Variants in AZI2 observed in about 807,000 individuals in gnomAD.
AZI2 encodes the protein 5-azacytidine induced 2.
In AZI2, 22 loss-of-function variants were observed where a neutral mutation model predicts 45.8. The ratio of observed to expected loss-of-function variants is 0.48; its 90% CI spans 0.34 to 0.69. The LOEUF is 0.69. Ranked by LOEUF, AZI2 falls within the 30% of genes least tolerant of loss-of-function variation. The pLI, the probability that AZI2 is intolerant of heterozygous loss-of-function variation, is 0.01. For synonymous variants in AZI2, 137 were observed against 156.7 expected, an observed-to-expected ratio of 0.87 and a Z score of 0.94; for missense variants, 417 against 441.5, an observed-to-expected ratio of 0.94 and a Z score of 0.50.
chr3:28,344,658 C>G (rs1163563955), intron 1 of AZI2, among the ~76,000 whole-genome samples: 4 of 151,946 alleles, frequency 2.6e-5, no homozygotes, highest in Non-Finnish European at 5.9e-5. Context: ...GTGTAACTGG[C>G]TATTATTCTA....
At chr3:28,348,271 G>C (rs185171115) in intron 1 of AZI2, 17 of 152,248 alleles carry the variant, frequency 1.1e-4, no homozygotes, top group African/African-American at 4.1e-4. Flanking sequence ...GTATCGGAAA[G>C]AAGCATTTAG....
chr3:28,334,302 G>T (rs1403899063), intron 5 of AZI2, among the ~76,000 whole-genome samples: 5 of 151,770 alleles, frequency 3.3e-5, no homozygotes, highest in African/African-American at 1.2e-4. Flanking sequence ...CTAGAGTATT[G>T]TGAACATAAA....
intron 6 of AZI2, among the ~76,000 whole-genome samples, chr3:28,329,416 C>G (rs1275491820): frequency 1.3e-5 from 2 of 151,258 alleles, no homozygotes; most frequent in South Asian, 2.1e-4. Context: ...ACTGCCAACA[C>G]AATCTTATAA....
rs1703293097 is a variant in AZI2, at chr3:28,324,193, G to T, written c.1028C>A (p.Ser343Tyr). 6.2e-7 allele frequency: 1 copy of T among 1,610,732 alleles called. No homozygotes were observed. The highest frequency in any genetic ancestry group is 8.5e-7 in the Non-Finnish European group (1 of 1,177,648). Reference sequence around the variant, plus strand: ...AAATACCCAGGAATTGTCTTCCAGAGAATTTCTGCCATAAGAACTGTGTTC... The same window carrying T: ...AAATACCCAGGAATTGTCTTCCAGATAATTTCTGCCATAAGAACTGTGTTC... The part of the protein sequence containing the change: ...FQEHSSYGRN[S>Y]LEDNSWVFPS... The change falls in exon 8 of 8, where the codon TCT (serine) becomes TAT (tyrosine). Residue 343 changes from serine to tyrosine, a missense_variant. Physicochemically the swap from Ser to Tyr is moderately radical, Grantham distance 144. Transcript: ENST00000479665.
Position 28,332,802 on chromosome 3 carries a change from T to C in AZI2, c.589-375A>G, listed in dbSNP as rs374939390. The stretch of plus-strand genomic sequence containing the variant: ...TTATGGTATGGGTGAATGAATTCTA[T>C]GGGAAAATGGAAGTTTTTTTGGTAT... On this transcript the variant is annotated intron_variant, in intron 5 of 7. Transcript: ENST00000479665. 5.1e-4 allele frequency among the ~76,000 whole-genome samples: 78 copies of C among 151,910 alleles called. 1 individual carries two copies. In the South Asian group the frequency reaches 0.016, roughly 31 times the overall value.
chr3:28,335,757 TC>T (rs1380152712), intron 5 of AZI2, among the ~76,000 whole-genome samples: 1 of 151,922 alleles, frequency 6.6e-6, no homozygotes, highest in African/African-American at 2.4e-5. Flanking sequence ...TGGAAAGCAG[TC>T]AGGAAGTATG....
chr3:28,332,455 T>TA (rs1349099120), intron 5 of AZI2, 28 bp from the exon 6 acceptor site: 4 of 1,578,688 alleles, frequency 2.5e-6, no homozygotes, highest in Non-Finnish European at 3.5e-6. Context: ...AAAAGAAGTT[T>TA]AAAAGTTGTA....
chr3:28,338,125 C>A (rs1408185321), intron 3 of AZI2, 89 bp from the exon 4 acceptor site: 1 of 652,104 alleles, frequency 1.5e-6, no homozygotes, highest in Admixed American at 3.6e-5. Flanking sequence ...GAAAAAAACA[C>A]ATTCTTGTCT....
intron 6 of AZI2, among the ~76,000 whole-genome samples, chr3:28,327,319 A>G (rs1479805942): frequency 6.6e-6 from 1 of 151,228 alleles, no homozygotes; most frequent in African/African-American, 2.4e-5. Flanking sequence ...GATTAAGAGT[A>G]AAGTTACATT....
chr3:28,333,539 T>C (rs1373729731), intron 5 of AZI2, among the ~76,000 whole-genome samples: 5 of 133,204 alleles, frequency 3.8e-5, no homozygotes, highest in Non-Finnish European at 6.4e-5. Context: ...TATATACTTA[T>C]GCATATGTTC....
chr3:28,325,192 T>G (rs1186103902), intron 7 of AZI2: 1 of 144,502 alleles, frequency 6.9e-6, no homozygotes, highest in African/African-American at 2.6e-5. Context: ...AGAAAAAGAC[T>G]ACTTAAAAGC....
intron 5 of AZI2, among the ~76,000 whole-genome samples, chr3:28,334,330 C>T (rs1318470191): frequency 6.6e-6 from 1 of 151,826 alleles, no homozygotes; most frequent in Non-Finnish European, 1.5e-5. Context: ...CCTTGGCTTC[C>T]TCTCAGATTC....
chr3:28,328,816 A>G (rs572519191), intron 6 of AZI2, among the ~76,000 whole-genome samples: 1 of 151,426 alleles, frequency 6.6e-6, no homozygotes, highest in South Asian at 2.1e-4. Flanking sequence ...AAGTGCTACA[A>G]TCTTCAAAGT....
chr3:28,343,313 T>C (rs1704098043), intron 1 of AZI2, among the ~76,000 whole-genome samples: 1 of 152,052 alleles, frequency 6.6e-6, no homozygotes, highest in South Asian at 2.1e-4. Flanking sequence ...CTTACACCTT[T>C]ACAGTTTGTT....
At chr3:28,328,209 A>G (rs1426694497) in intron 6 of AZI2, among the ~76,000 whole-genome samples, 1 of 151,080 alleles carries the variant, frequency 6.6e-6, no homozygotes, top group Non-Finnish European at 1.5e-5. Flanking sequence ...TAATTAGTTC[A>G]CAAAATTAAC....
chr3:28,332,332 G>C (rs912546618), intron 6 of AZI2, 37 bp downstream of exon 6: 2 of 1,556,866 alleles, frequency 1.3e-6, no homozygotes, highest in African/African-American at 2.7e-5. Context: ...TATGGAAGAA[G>C]ACAACGTATT....
Position 28,340,641 on chromosome 3 carries a change from AT to A in AZI2, c.-5-20del, listed in dbSNP as rs1381085442. On this transcript the variant is annotated intron_variant, in intron 1 of 7. Transcript: ENST00000479665. ...ATGACAACTGTTTAAAAGAAAAAAA[AT>A]ATGAGTGACAAATGTCTCACTGAAT... 6.5e-6 allele frequency: 10 copies of A among 1,542,832 alleles called. No individual in the cohort carries two copies. Among genetic ancestry groups the A allele is most frequent in the Non-Finnish European group, 7.0e-6 (8 of 1,136,010 alleles).
chr3:28,333,507 A>C (rs888471828), intron 5 of AZI2, among the ~76,000 whole-genome samples: 4 of 149,186 alleles, frequency 2.7e-5, no homozygotes, highest in Non-Finnish European at 5.9e-5. Context: ...TCATGAATTA[A>C]AATTTTTTTT....
At chr3:28,332,640 C>T (rs1703627484) in intron 5 of AZI2, among the ~76,000 whole-genome samples, 1 of 151,612 alleles carries the variant, frequency 6.6e-6, no homozygotes, top group African/African-American at 2.4e-5. Context: ...AGTATTAATG[C>T]TTTAATTTTC....
Sources: gnomAD v4.1 joint callset for allele counts (sites outside exome capture counted in the v4.1 genomes callset) on GRCh38, gnomAD v4.1.1 for gene constraint, MANE v1.5 for transcripts, NCBI Gene and HGNC (gene_info 2026-07-23, HGNC 2026-07-21) for gene names.